IPO11: variants seen among roughly 807,000 people sequenced by gnomAD.
IPO11 encodes the protein importin 11.
A neutral mutation model predicts 143.2 loss-of-function variants in IPO11; 66 were observed. The ratio of observed to expected loss-of-function variants is 0.46; its 90% CI spans 0.38 to 0.57. IPO11 has a LOEUF of 0.57. Among genes scored for constraint, IPO11 ranks in the 20% least tolerant of loss-of-function variants. IPO11 has a pLI of 0.00. For synonymous variants in IPO11, 385 were observed against 377.8 expected (o/e 1.02, Z -0.22); for missense variants, 1,026 against 1,141.0 (o/e 0.90, Z 1.45).
intron 29 of IPO11, among the ~76,000 whole-genome samples, chr5:62,620,234 A>G (rs751030416): frequency 6.6e-5 from 10 of 152,098 alleles, no homozygotes; most frequent in Non-Finnish European, 1.2e-4. Flanking sequence ...TTTAAGAAAT[A>G]CAGGGCTGGG....
At chr5:62,493,123 G>A (rs1035087358) in intron 15 of IPO11, among the ~76,000 whole-genome samples, 3 of 152,160 alleles carry the variant, frequency 2.0e-5, no homozygotes, top group Non-Finnish European at 2.9e-5. Flanking sequence ...TGTTTTGCCA[G>A]TGTTAATATA....
chr5:62,466,432 A>T (rs940605220), intron 5 of IPO11, among the ~76,000 whole-genome samples: 6 of 152,236 alleles, frequency 3.9e-5, no homozygotes, highest in Non-Finnish European at 2.9e-5. Context: ...ATTCCGAAGT[A>T]TGCTGATGAT....
At chr5:62,506,995 T>C (rs1007553067) in intron 19 of IPO11, among the ~76,000 whole-genome samples, 12 of 152,234 alleles carry the variant, frequency 7.9e-5, no homozygotes, top group African/African-American at 2.9e-4. Context: ...GAGTTTACCC[T>C]TGGATCTGCT....
chr5:62,451,752 T>C lies in IPO11; in HGVS notation c.335T>C (p.Leu112Pro). The C allele has an allele frequency of 6.2e-7, 1 of 1,614,170 alleles. No individual in the cohort carries two copies. The highest frequency in any genetic ancestry group is 8.5e-7 in the Non-Finnish European group (1 of 1,180,014). The change falls in exon 5 of 30, where the codon CTC becomes CCC. Residue 112 changes from leucine (L) to proline (P), a missense_variant. Physicochemically the swap from Leu to Pro is moderately conservative, Grantham distance 98. Around this residue, in one of 5 missense-constraint regions of IPO11, gnomAD observed 429 missense variants for 456.3 expected, o/e 0.94. Coordinates refer to ENST00000325324, the MANE Select transcript of IPO11 (RefSeq NM_016338.5). The stretch of plus-strand genomic sequence containing the variant: ...CAGATTGCAACTCAGATTGCAGTGC[T>C]CATTGCAAAAGTTGCTAGATTGGAT... ...INQIATQIAV[L>P]IAKVARLDCP...
intron 10 of IPO11, 29 bp from the exon 11 acceptor site, chr5:62,483,981 C>T (rs774426532): frequency 8.2e-6 from 13 of 1,575,976 alleles, no homozygotes; most frequent in South Asian, 1.2e-5. Context: ...TTTGGCTATA[C>T]AATTAACTTG....
chr5:62,506,441 T>G, intron 19 of IPO11, 84 bp downstream of exon 19: 2 of 761,970 alleles, frequency 2.6e-6, no homozygotes, highest in East Asian at 5.0e-5. Context: ...CTACATTGTT[T>G]AAGAGTTAAA....
intron 26 of IPO11, among the ~76,000 whole-genome samples, chr5:62,554,361 T>G (rs574565747): frequency 7.9e-5 from 12 of 152,270 alleles, no homozygotes; most frequent in Non-Finnish European, 2.9e-5. Context: ...CTGACCAGAG[T>G]CCTGGAGTGT....
chr5:62,460,267 C>CTT (rs1160972), intron 5 of IPO11, among the ~76,000 whole-genome samples: 105,038 of 151,824 alleles, frequency 0.69, 36,698 homozygotes, highest in African/African-American at 0.78. Flanking sequence ...TTTGACATGT[C>CTT]TTACAAATCT....
chr5:62,459,694 G>A (rs1261426192), intron 5 of IPO11, among the ~76,000 whole-genome samples: 1 of 152,046 alleles, frequency 6.6e-6, no homozygotes, highest in Non-Finnish European at 1.5e-5. Context: ...GGGACTACAG[G>A]CGTGTGCCAC....
chr5:62,575,542 G>A (rs1320855713), intron 27 of IPO11, among the ~76,000 whole-genome samples: 1 of 151,638 alleles, frequency 6.6e-6, no homozygotes, highest in Non-Finnish European at 1.5e-5. Context: ...CTTTCCAATT[G>A]CCTCTCTGTT....
intron 2 of IPO11, among the ~76,000 whole-genome samples, chr5:62,440,736 G>A (rs1744439659): frequency 6.6e-6 from 1 of 152,008 alleles, no homozygotes; most frequent in African/African-American, 2.4e-5. Flanking sequence ...GCCAGGGCAG[G>A]TGGATCACCT....
chr5:62,595,654 G>A (rs1318326814), intron 28 of IPO11, among the ~76,000 whole-genome samples: 1 of 152,110 alleles, frequency 6.6e-6, no homozygotes, highest in East Asian at 1.9e-4. Context: ...TTTCTTCAGA[G>A]TTGTACAGAA....
intron 5 of IPO11, among the ~76,000 whole-genome samples, chr5:62,463,882 G>A (rs892770093): frequency 6.6e-6 from 1 of 151,360 alleles, no homozygotes; most frequent in African/African-American, 2.4e-5. Context: ...GGAGAGCAGT[G>A]GGGTGATCTC....
chr5:62,576,754 AC>A (rs1744327159), intron 27 of IPO11, among the ~76,000 whole-genome samples: 1 of 152,202 alleles, frequency 6.6e-6, no homozygotes, highest in African/African-American at 2.4e-5. Context: ...TTGCACTCCA[AC>A]CCAGCCGACA....
At chr5:62,530,050 A>G (rs979910162) in intron 21 of IPO11, among the ~76,000 whole-genome samples, 1 of 152,208 alleles carries the variant, frequency 6.6e-6, no homozygotes, top group Admixed American at 6.5e-5. Context: ...CATTTAGCAT[A>G]AGTTTTACTA....
At chr5:62,435,066 A>ATATATG (rs1407153131) in intron 1 of IPO11, among the ~76,000 whole-genome samples, 1 of 113,376 alleles carries the variant, frequency 8.8e-6, no homozygotes, top group Non-Finnish European at 1.8e-5. Context: ...ATATATGTAT[A>ATATATG]TATATGTATA....
Position 62,474,304 on chromosome 5 carries a change from C to T in IPO11, c.709-112C>T, listed in dbSNP as rs138205751. 4.0e-3 allele frequency: 2,487 copies of T among 614,978 alleles called. 13 individuals are homozygous for T. The highest frequency in any genetic ancestry group is 3.6e-3 in the Non-Finnish European group (1,309 of 368,234). The allele number at this position is 614,978 out of a possible 1,614,324, so 38.1% of individuals were successfully genotyped here. A position where few individuals can be genotyped will look rare whatever the true frequency, so the allele number is the denominator to read the frequency against. On this transcript the variant is annotated intron_variant, in intron 7 of 29. Coordinates refer to ENST00000325324, the MANE Select transcript of IPO11 (RefSeq NM_016338.5). ...TAACTAATTTTAACTTATTTTTCTTCGGCTAATTTTTTTAAGTGATGTGAT... is the reference window on the plus strand; with the variant it reads ...TAACTAATTTTAACTTATTTTTCTTTGGCTAATTTTTTTAAGTGATGTGAT...
chr5:62,516,296 T>G (rs1032646938), intron 20 of IPO11, among the ~76,000 whole-genome samples: 1 of 152,198 alleles, frequency 6.6e-6, no homozygotes, highest in Non-Finnish European at 1.5e-5. Context: ...ATGCTTTCTT[T>G]TTTTTTTTCC....
At chr5:62,571,484 A>G (rs894756962) in intron 27 of IPO11, among the ~76,000 whole-genome samples, 3 of 152,180 alleles carry the variant, frequency 2.0e-5, no homozygotes, top group South Asian at 4.1e-4. Context: ...TGTTAAATCA[A>G]TTTGACCAAC....
Sources: gnomAD v4.1 joint callset for allele counts (sites outside exome capture counted in the v4.1 genomes callset) on GRCh38, gnomAD v4.1.1 for gene constraint, gnomAD v4.1.1 regional missense constraint, MANE v1.5 for transcripts, NCBI Gene and HGNC (gene_info 2026-07-23, HGNC 2026-07-21) for gene names.